The following GNAS variants were observed in gnomAD, a reference collection of about 807,000 sequenced individuals.
GNAS encodes protein ALEX.
Under a neutral mutation model 54.5 loss-of-function variants are expected in GNAS, and 8 were observed. That is an observed-to-expected ratio of 0.15 (90% CI 0.09 to 0.26). The LOEUF is 0.26. GNAS is among the 10% of genes least tolerant of loss of function. The pLI is 1.00. For missense variants in GNAS, 170 were observed against 529.8 expected (o/e 0.32, Z 6.67); for synonymous variants, 204 against 191.4 (o/e 1.07, Z -0.54).
Position 58,854,694 on chromosome 20 carries a change from C to T in GNAS, c.43+13808C>T, listed in dbSNP as rs530071542. On this transcript the variant is annotated intron_variant, in intron 1 of 12. Transcript: ENST00000306090. ...GGCGGCCCCTGAGGCTCCCGCCGCC[C>T]CTGCGGCTGCTGAGACCCGGGCAGC... 2.2e-5 allele frequency: 33 copies of T among 1,529,342 alleles called. No individual in the cohort carries two copies. In the South Asian group the frequency reaches 3.7e-4, roughly 17 times the overall value. The allele number at this position is 1,529,342 out of a possible 1,614,324, so 94.7% of individuals were successfully genotyped here. A position where few individuals can be genotyped will look rare whatever the true frequency, so the allele number is the denominator to read the frequency against.
rs756978432 is a variant in GNAS, at chr20:58,910,638, C to A, written c.1039-45C>A. ...TGTCCCCATCAGGGATAGGGTGGTT[C>A]CTGGCGAGGGTGTCACTGACAAGTC... On this transcript the variant is annotated intron_variant, in intron 12 of 12. Transcript: ENST00000371085. The surrounding 1 kb of genome is among the most constrained non-coding windows in gnomAD (Gnocchi z 5.8). 1.9e-6 allele frequency: 3 copies of A among 1,611,620 alleles called. No homozygotes were observed. Among genetic ancestry groups the A allele is most frequent in the Non-Finnish European group, 2.5e-6 (3 of 1,177,936 alleles).
chr20:58,881,390 G>A (rs1369084184), intron 1 of GNAS, among the ~76,000 whole-genome samples: 1 of 152,198 alleles, frequency 6.6e-6, no homozygotes, highest in Non-Finnish European at 1.5e-5. Context: ...GCAGAAGACA[G>A]GGATCCAGGG....
rs1488488440 is a variant in GNAS, at chr20:58,854,308, G to A, written c.43+13422G>A. On this transcript the variant is annotated intron_variant, in intron 1 of 12. Transcript: ENST00000306090. ...TCCGGAGCCCCAGATAAGAGAGAGC[G>A]AGCAGAGAGACCCCCAGTTGAGGAG... 8 of 1,601,742 alleles carry A rather than the reference G, an allele frequency of 5.0e-6. No homozygotes were observed. Among genetic ancestry groups the A allele is most frequent in the Admixed American group, 3.4e-5 (2 of 58,616 alleles).
chr20:58,887,017 T>A (rs2088637176), upstream of GNAS, among the ~76,000 whole-genome samples: 1 of 152,242 alleles, frequency 6.6e-6, no homozygotes, highest in African/African-American at 2.4e-5. Context: ...TAGTCCCAAT[T>A]GTGCCTTGCC....
rs80350825 is a variant in GNAS at position 58,899,144 on chromosome 20, A to G, written c.257+159A>G. Among the ~76,000 whole-genome samples the G allele has an allele frequency of 0.015, 2,264 of 152,312 alleles. 57 individuals carry two copies. The highest frequency in any genetic ancestry group is 0.052 in the African/African-American group (2,156 of 41,542). The stretch of plus-strand genomic sequence containing the variant: ...TTTGTGAATAACACACAATTTCCTG[A>G]CATTTTGGAGCAAGTAAAGTGCGTA... On this transcript the variant is annotated intron_variant, in intron 3 of 12. Transcript: ENST00000371085.
At chr20:58,851,898 G>C (rs545242668) in intron 1 of GNAS, among the ~76,000 whole-genome samples, 6 of 152,220 alleles carry the variant, frequency 3.9e-5, no homozygotes, top group African/African-American at 1.4e-4. Flanking sequence ...GAAGCAGCGA[G>C]CAGCGCACCT....
rs527827334 is a variant in GNAS at position 58,907,538 on chromosome 20, G to T, written c.531-1624G>T. ...CCACCCCAGTTTTGAATGCTGGGGG[G>T]GCAGGGAGACCCAGTTTCGTTAATT... On this transcript the variant is annotated intron_variant, in intron 6 of 12. Coordinates refer to ENST00000371085, the MANE Select transcript of GNAS (RefSeq NM_000516.7). Among the ~76,000 whole-genome samples the T allele has an allele frequency of 3.3e-5, 5 of 152,336 alleles. No homozygotes were observed. In the South Asian group the frequency reaches 6.2e-4, roughly 19 times the overall value.
chr20:58,842,546 C>A, intron 1 of GNAS: 1 of 398,606 alleles, frequency 2.5e-6, no homozygotes, highest in South Asian at 1.3e-4. Flanking sequence ...GTGGTCTTCC[C>A]TAGTAAATAC....
chr20:58,909,787 G>A lies in GNAS; in HGVS notation c.822G>A (p.Lys274=). 6 of 1,613,752 alleles carry A rather than the reference G, an allele frequency of 3.7e-6. No homozygotes were observed. The South Asian group carries it at 6.6e-5, about 18-fold the overall frequency. The part of the protein sequence containing the change: ...NRLQEALNLF[K]SIWNNRWLRT... Reference sequence around the variant, plus strand: ...TGCAGGAGGCTCTGAACCTCTTCAAGAGCATCTGGAACAACAGGTTTGTGG... The same window carrying A: ...TGCAGGAGGCTCTGAACCTCTTCAAAAGCATCTGGAACAACAGGTTTGTGG... The change falls in exon 10 of 13, where the codon AAG becomes AAA. Residue 274 remains lysine, a synonymous_variant. Transcript: ENST00000371085. This position sits in a 1 kb window ranked among gnomAD's most constrained non-coding sequence, Gnocchi z 7.3.
chr20:58,910,066 A>G lies in GNAS; in HGVS notation c.955A>G (p.Thr319Ala). Residue 319 changes from threonine (T) to alanine (A), a missense_variant, in exon 11 of 13, where the codon ACT (threonine) becomes GCT (alanine). Physicochemically the swap from Thr to Ala is moderately conservative, Grantham distance 58. This residue lies in a region of GNAS where 36 missense variants were observed against 223.0 expected (regional missense o/e 0.16). Transcript: ENST00000371085. This position sits in a 1 kb window ranked among gnomAD's most constrained non-coding sequence, Gnocchi z 5.8. Reference protein sequence around the residue: ...EDYFPEFARYTTPEDATPEPG... With the variant: ...EDYFPEFARYATPEDATPEPG... Reference sequence around the variant, plus strand: ...CTACTTTCCAGAATTTGCTCGCTACACTACTCCTGAGGATGGTGTGTATGG... The same window carrying G: ...CTACTTTCCAGAATTTGCTCGCTACGCTACTCCTGAGGATGGTGTGTATGG... 6.2e-7 allele frequency: 1 copy of G among 1,613,864 alleles called. No individual in the cohort carries two copies. Among genetic ancestry groups the G allele is most frequent in the Non-Finnish European group, 8.5e-7 (1 of 1,179,798 alleles).
chr20:58,844,982 C>G (rs1319889929), intron 1 of GNAS, among the ~76,000 whole-genome samples: 1 of 152,144 alleles, frequency 6.6e-6, no homozygotes. Context: ...GTGTCCTTTC[C>G]CTAAACTGGA....
chr20:58,847,576 A>C (rs1375844366), intron 1 of GNAS, among the ~76,000 whole-genome samples: 2 of 152,194 alleles, frequency 1.3e-5, no homozygotes, highest in African/African-American at 4.8e-5. Context: ...TTCTGCTTTT[A>C]CTTTTTCCTC....
intron 1 of GNAS, among the ~76,000 whole-genome samples, chr20:58,868,419 G>A (rs1600792544): frequency 6.6e-6 from 1 of 151,730 alleles, no homozygotes; most frequent in African/African-American, 2.4e-5. Context: ...CTCCCAAAGT[G>A]CTGGGATTAC....
At chr20:58,849,750 C>T (rs2086081054) in intron 1 of GNAS, among the ~76,000 whole-genome samples, 1 of 152,192 alleles carries the variant, frequency 6.6e-6, no homozygotes, top group Non-Finnish European at 1.5e-5. Flanking sequence ...CTCTTGAGTG[C>T]CGTCCTTCAG....
chr20:58,890,284 A>C (rs1267406936), upstream of GNAS, among the ~76,000 whole-genome samples: 10 of 150,884 alleles, frequency 6.6e-5, no homozygotes, highest in Admixed American at 5.3e-4. Flanking sequence ...GCCGACGACG[A>C]CGAGGGCGCC....
intron 1 of GNAS, chr20:58,864,281 C>T (rs2086918947): frequency 6.6e-6 from 1 of 152,112 alleles, no homozygotes; most frequent in African/African-American, 2.4e-5. Flanking sequence ...AAGCAGAAAG[C>T]CCTGTGGGTT....
intron 1 of GNAS, among the ~76,000 whole-genome samples, chr20:58,882,641 C>G (rs2088314773): frequency 6.6e-6 from 1 of 152,144 alleles, no homozygotes; most frequent in Non-Finnish European, 1.5e-5. Context: ...ATTTAATGTT[C>G]CTTAGAAAAA....
At chr20:58,865,864 C>T (rs1487911590) in intron 1 of GNAS, among the ~76,000 whole-genome samples, 1 of 152,084 alleles carries the variant, frequency 6.6e-6, no homozygotes, top group African/African-American at 2.4e-5. Flanking sequence ...CAAGTCAGTC[C>T]CATAGCTAGG....
intron 1 of GNAS, among the ~76,000 whole-genome samples, chr20:58,844,706 CA>C (rs1416166623): frequency 1.3e-5 from 2 of 151,610 alleles, no homozygotes; most frequent in African/African-American, 4.8e-5. Flanking sequence ...ATGGAACTCC[CA>C]AAAAACATCG....
Sources: allele counts gnomAD v4.1 joint callset (sites outside exome capture counted in the v4.1 genomes callset), GRCh38; gene constraint gnomAD v4.1.1; regional missense constraint gnomAD v4.1.1; non-coding constraint Gnocchi (gnomAD v3.1); transcripts MANE v1.5; gene names NCBI Gene and HGNC (gene_info 2026-07-23, HGNC 2026-07-21).